The following FBXO9 variants were observed in gnomAD, a reference collection of about 807,000 sequenced individuals.
FBXO9 encodes F-box protein 9.
FBXO9 carries 43 observed loss-of-function variants against 63.7 expected under a neutral mutation model. The observed-to-expected ratio is 0.67, with a 90% confidence interval of 0.53 to 0.87. The LOEUF is 0.87. FBXO9 is among the 40% of genes least tolerant of loss of function. FBXO9 has a pLI of 0.00. For missense variants in FBXO9, 442 were observed against 533.2 expected, an observed-to-expected ratio of 0.83 and a Z score of 1.68; for synonymous variants, 156 against 171.7, an observed-to-expected ratio of 0.91 and a Z score of 0.72.
intron 3 of FBXO9, 76 bp downstream of exon 3, chr6:53,073,715 T>A: frequency 1.6e-6 from 2 of 1,256,476 alleles, no homozygotes; most frequent in Non-Finnish European, 2.2e-6. Context: ...ACACAGTAAG[T>A]AGGCATTATA....
chr6:53,093,409 C>T, intron 9 of FBXO9, 57 bp from the exon 10 acceptor site: 9 of 1,187,552 alleles, frequency 7.6e-6, no homozygotes, highest in Non-Finnish European at 1.1e-5. Context: ...TAGATAAGGA[C>T]ATATTTTATA....
chr6:53,079,094 A>T (rs1392914420), intron 5 of FBXO9, among the ~76,000 whole-genome samples, 196 bp downstream of exon 5: 1 of 151,748 alleles, frequency 6.6e-6, no homozygotes, highest in East Asian at 1.9e-4. Context: ...TTAAACAGAT[A>T]CAAAAATAAA....
intron 1 of FBXO9, chr6:53,070,824 C>G: frequency 2.1e-6 from 1 of 479,846 alleles, no homozygotes; most frequent in Non-Finnish European, 3.5e-6. Flanking sequence ...TTAGGATTCA[C>G]AATAACGTGA....
chr6:53,093,996 A>T lies in FBXO9; in HGVS notation c.1053+18A>T. 6.8e-7 allele frequency: 1 copy of T among 1,480,940 alleles called. No individual in the cohort carries two copies. The highest frequency in any genetic ancestry group is 9.1e-7 in the Non-Finnish European group (1 of 1,094,614). The allele number at this position is 1,480,940 out of a possible 1,614,324, so 91.7% of individuals were successfully genotyped here. ...AAGAAGAAGTGAGTATACGAGGTGT[A>T]ATTAATAGTTTTCTTATCTTAATAG... is the stretch of plus-strand genomic sequence containing the variant. On this transcript the variant is annotated intron_variant, in intron 11 of 12. Coordinates refer to ENST00000323557, the MANE Select transcript of FBXO9 (RefSeq NM_033480.3).
At chr6:53,093,605 T>G (rs1424607138) in intron 10 of FBXO9, 44 bp downstream of exon 10, 1 of 1,417,914 alleles carries the variant, frequency 7.1e-7, no homozygotes, top group Non-Finnish European at 9.9e-7. Context: ...GTCTATGTTT[T>G]ATATGGTTCC....
chr6:53,093,711 CT>C, intron 10 of FBXO9, 150 bp downstream of exon 10: 1 of 862,100 alleles, frequency 1.2e-6, no homozygotes, highest in Non-Finnish European at 1.8e-6. Flanking sequence ...AATTTCTGGG[CT>C]TTTCCTTAGA....
At chr6:53,070,256 G>A (rs1768866870) in intron 1 of FBXO9, among the ~76,000 whole-genome samples, 1 of 151,866 alleles carries the variant, frequency 6.6e-6, no homozygotes, top group East Asian at 1.9e-4. Flanking sequence ...CTGACCTCAA[G>A]TGATGCTCCT....
intron 2 of FBXO9, among the ~76,000 whole-genome samples, chr6:53,072,796 T>G (rs1768966914): frequency 1.3e-5 from 2 of 151,964 alleles, no homozygotes; most frequent in African/African-American, 4.8e-5. Context: ...CTCTGCTGAC[T>G]GCCAACCTCT....
chr6:53,065,861 C>T, intron 1 of FBXO9, 69 bp downstream of exon 1: 1 of 1,265,168 alleles, frequency 7.9e-7, no homozygotes, highest in South Asian at 2.7e-5. Context: ...GGGGCCGGGC[C>T]TAGGGCTGGG....
chr6:53,092,945 G>T, intron 9 of FBXO9, 121 bp downstream of exon 9: 1 of 541,198 alleles, frequency 1.8e-6, no homozygotes, highest in Non-Finnish European at 3.2e-6. Flanking sequence ...TTTTTATCTA[G>T]TACTCAATGT....
Position 53,081,043 on chromosome 6 carries a change from G to A in FBXO9, c.483G>A (p.Glu161=). Residue 161 remains glutamate, a synonymous_variant, in exon 6 of 13, where the codon GAG becomes GAA. Transcript: ENST00000323557. The part of the protein sequence containing the change: ...SYFQQQLTFQ[E]SVLKLCQPEL... ...TCCAGCAGCAACTCACATTTCAGGA[G>A]TCTGTGCTTAAACTGTGTCAGCCTG... 1.2e-6 allele frequency: 2 copies of A among 1,613,444 alleles called. No homozygotes were observed.
intron 5 of FBXO9, among the ~76,000 whole-genome samples, chr6:53,080,266 T>C (rs899440218): frequency 2.0e-5 from 3 of 152,018 alleles, no homozygotes; most frequent in Non-Finnish European, 4.4e-5. Context: ...ACCACACTTA[T>C]ATTTTGTTGT....
intron 1 of FBXO9, among the ~76,000 whole-genome samples, chr6:53,068,294 AG>A (rs1401439296): frequency 6.6e-6 from 1 of 152,226 alleles, no homozygotes; most frequent in Non-Finnish European, 1.5e-5. Flanking sequence ...GACTGAACTG[AG>A]GCAACATGCC....
At chr6:53,094,954 CAT>C (rs1396134249) in intron 11 of FBXO9, 1 of 189,450 alleles carries the variant, frequency 5.3e-6, no homozygotes, top group East Asian at 1.6e-4. Flanking sequence ...ATGAAATATT[CAT>C]AGTGTTTACA....
At chr6:53,067,282 T>TAAAGGCCTGA in intron 1 of FBXO9, among the ~76,000 whole-genome samples, 1 of 152,216 alleles carries the variant, frequency 6.6e-6, no homozygotes, top group South Asian at 2.1e-4. Context: ...TAGACAGGCC[T>TAAAGGCCTGA]TTACTACAAA....
At chr6:53,092,614 G>T in intron 8 of FBXO9, 67 bp downstream of exon 8, 1 of 1,480,440 alleles carries the variant, frequency 6.8e-7, no homozygotes, top group Non-Finnish European at 9.4e-7. Flanking sequence ...TAAATACGCC[G>T]TTTAAATTTT....
At position 53,073,545 on chromosome 6, in the gene FBXO9, A is replaced by G; in HGVS notation, c.155A>G (p.Asn52Ser). The G allele has an allele frequency of 1.9e-6, 3 of 1,613,568 alleles. No individual in the cohort carries two copies. Among genetic ancestry groups the G allele is most frequent in the Non-Finnish European group, 2.5e-6 (3 of 1,179,704 alleles). ...CTTGCTCCAGGTGTAAGCTCTAGCA[A>G]TTTAGAAAATCGACCTTGCAGAGCA... ...FELAPGVSSS[N>S]LENRPCRAAR... Residue 52 changes from asparagine to serine, a missense_variant, in exon 3 of 13, where the codon AAT becomes AGT. Asn to Ser is a conservative substitution (Grantham distance 46). Coordinates refer to ENST00000323557, the MANE Select transcript of FBXO9 (RefSeq NM_033480.3).
At chr6:53,066,664 A>C (rs1422355321) in intron 1 of FBXO9, among the ~76,000 whole-genome samples, 1 of 152,214 alleles carries the variant, frequency 6.6e-6, no homozygotes, top group Non-Finnish European at 1.5e-5. Context: ...CTGCCCCTAA[A>C]CTTTCAGAAG....
intron 3 of FBXO9, among the ~76,000 whole-genome samples, chr6:53,076,149 T>C (rs1456496610): frequency 6.6e-6 from 1 of 152,214 alleles, no homozygotes; most frequent in East Asian, 1.9e-4. Flanking sequence ...TAACAGGGCA[T>C]TTCACAGAGC....
Sources: allele counts gnomAD v4.1 joint callset (sites outside exome capture counted in the v4.1 genomes callset), GRCh38; gene constraint gnomAD v4.1.1; transcripts MANE v1.5; gene names NCBI Gene and HGNC (gene_info 2026-07-23, HGNC 2026-07-21).